Variants in LARGE1 observed in about 807,000 individuals in gnomAD.
The protein encoded by LARGE1 is LARGE xylosyl- and glucuronyltransferase 1.
A neutral mutation model predicts 87.6 loss-of-function variants in LARGE1; 43 were observed. The observed-to-expected ratio is 0.49, with a 90% CI of 0.38 to 0.63. LARGE1 has a LOEUF of 0.63. Among genes scored for constraint, LARGE1 ranks in the 30% least tolerant of loss-of-function variants. The pLI is 0.00. For synonymous variants in LARGE1, 434 were observed against 394.6 expected, an observed-to-expected ratio of 1.10 and a Z score of -1.18; for missense variants, 802 against 1,000.2, an observed-to-expected ratio of 0.80 and a Z score of 2.67.
chr22:33,118,440 C>T, the LARGE1 span, among the ~76,000 whole-genome samples: 51 of 145,704 alleles, frequency 3.5e-4, no homozygotes, highest in South Asian at 6.7e-4. Context: ...TGCAGTGAGC[C>T]ATGATCATGC....
chr22:33,712,637 AGT>A (rs34754283), intron 2 of LARGE1, among the ~76,000 whole-genome samples: 37,577 of 134,250 alleles, frequency 0.28, 4,931 homozygotes, highest in Middle Eastern at 0.32. Flanking sequence ...TGAGGGGTAC[AGT>A]GTGTGTGTGT....
intron 1 of LARGE1, among the ~76,000 whole-genome samples, chr22:33,840,069 G>A (rs115616083): frequency 0.013 from 2,017 of 152,280 alleles, 45 homozygotes; most frequent in African/African-American, 0.046. Context: ...ATTGAAGGTG[G>A]TAAGAAACTA....
At chr22:33,898,183 C>T (rs1043764910) in intron 1 of LARGE1, among the ~76,000 whole-genome samples, 10 of 152,102 alleles carry the variant, frequency 6.6e-5, no homozygotes, top group African/African-American at 2.2e-4. Context: ...CTGAATGATG[C>T]GGAAGACAGC....
At chr22:33,444,906 T>C (rs987388166) in intron 6 of LARGE1, among the ~76,000 whole-genome samples, 26 of 152,172 alleles carry the variant, frequency 1.7e-4, no homozygotes, top group Non-Finnish European at 8.8e-5. Flanking sequence ...CTCGACTCAC[T>C]GCAACCTCCG....
chr22:33,172,770 T>C (rs544978528), intron 11 of LARGE1, among the ~76,000 whole-genome samples: 80 of 152,008 alleles, frequency 5.3e-4, no homozygotes, highest in African/African-American at 1.8e-3. Flanking sequence ...AGATTGAAGA[T>C]CAACATAATG....
At chr22:33,850,422 CTG>C (rs1245137575) in intron 1 of LARGE1, among the ~76,000 whole-genome samples, 3 of 152,196 alleles carry the variant, frequency 2.0e-5, no homozygotes, top group Non-Finnish European at 4.4e-5. Flanking sequence ...TGGCTGGTGA[CTG>C]TGGGTGGGTA....
chr22:33,633,187 G>A (rs2149104014), intron 3 of LARGE1, among the ~76,000 whole-genome samples: 1 of 152,302 alleles, frequency 6.6e-6, no homozygotes, highest in South Asian at 2.1e-4. Context: ...ATCAGGTGTG[G>A]AGGCAATTTG....
chr22:33,643,199 T>C (rs868417792), intron 3 of LARGE1, among the ~76,000 whole-genome samples: 18 of 152,008 alleles, frequency 1.2e-4, no homozygotes, highest in African/African-American at 4.1e-4. Flanking sequence ...AAACAGTCTC[T>C]CAGACCACAG....
At chr22:33,213,621 C>A (rs565541790) in intron 11 of LARGE1, among the ~76,000 whole-genome samples, 3 of 152,224 alleles carry the variant, frequency 2.0e-5, no homozygotes, top group Non-Finnish European at 4.4e-5. Context: ...AGCAAAAAGA[C>A]GATGATTCAC....
At chr22:33,306,949 T>C (rs1050441610) in intron 11 of LARGE1, among the ~76,000 whole-genome samples, 1 of 151,874 alleles carries the variant, frequency 6.6e-6, no homozygotes, top group Non-Finnish European at 1.5e-5. Context: ...GCTTTACAGA[T>C]AACACAGCTG....
chr22:33,266,321 A>G (rs931147550), intron 11 of LARGE1, among the ~76,000 whole-genome samples: 12 of 145,634 alleles, frequency 8.2e-5, no homozygotes, highest in Non-Finnish European at 1.5e-4. Context: ...TCCTCGGTTC[A>G]AGCGATTATC....
rs373846525 is a variant in LARGE1 at position 33,689,926 on chromosome 22, C to CA, written c.107-39259dup. On this transcript the variant is annotated intron_variant, in intron 2 of 14. Transcript: ENST00000397394. ...TGGGTGACAGGGCGAGACTCTGTCT[C>CA]AAAAAAAAAAAGGAGGGAAAAATGA... Among the ~76,000 whole-genome samples, 897 of 138,088 alleles carry CA rather than the reference C, an allele frequency of 6.5e-3. 10 individuals are homozygous for CA. Among genetic ancestry groups the CA allele is most frequent in the African/African-American group, 0.022 (801 of 37,076 alleles). The allele number at this position is 138,088 out of a possible 152,430, so 90.6% of individuals were successfully genotyped here. A position where few individuals can be genotyped will look rare whatever the true frequency, so the allele number is the denominator to read the frequency against.
At chr22:33,307,847 C>A (rs1424524107) in intron 11 of LARGE1, among the ~76,000 whole-genome samples, 1 of 151,864 alleles carries the variant, frequency 6.6e-6, no homozygotes, top group African/African-American at 2.4e-5. Context: ...CGGCTCACTG[C>A]AACCTCTACC....
At chr22:33,414,250 T>A (rs2066409927) in intron 7 of LARGE1, among the ~76,000 whole-genome samples, 1 of 152,086 alleles carries the variant, frequency 6.6e-6, no homozygotes, top group Non-Finnish European at 1.5e-5. Flanking sequence ...ATATGAGATA[T>A]TTAAAATGGT....
intron 10 of LARGE1, among the ~76,000 whole-genome samples, chr22:33,329,122 T>G (rs1937488656): frequency 6.6e-6 from 1 of 152,168 alleles, no homozygotes; most frequent in Non-Finnish European, 1.5e-5. Context: ...AGGCTTTGGT[T>G]CCCTGCTATC....
At chr22:33,640,254 T>C (rs958924402) in intron 3 of LARGE1, among the ~76,000 whole-genome samples, 38 of 152,180 alleles carry the variant, frequency 2.5e-4, no homozygotes, top group Admixed American at 2.4e-3. Context: ...GCACTGCTCA[T>C]GGGTAGGAGG....
chr22:33,525,079 T>C (rs1480302671), intron 6 of LARGE1, among the ~76,000 whole-genome samples: 2 of 152,168 alleles, frequency 1.3e-5, no homozygotes, highest in Non-Finnish European at 2.9e-5. Context: ...AGGCAATGTG[T>C]TGATGTCATC....
chr22:33,308,898 G>A (rs748719078), intron 11 of LARGE1, among the ~76,000 whole-genome samples: 1 of 152,190 alleles, frequency 6.6e-6, no homozygotes, highest in Non-Finnish European at 1.5e-5. Flanking sequence ...GATACAAAGT[G>A]TCTGGTGCAA....
intron 10 of LARGE1, among the ~76,000 whole-genome samples, chr22:33,331,916 T>C (rs550376306): frequency 7.9e-4 from 120 of 152,214 alleles, no homozygotes; most frequent in African/African-American, 2.7e-3. Context: ...TCGATGCACC[T>C]TCTCTCCCTA....
Sources: allele counts gnomAD v4.1 joint callset (sites outside exome capture counted in the v4.1 genomes callset), GRCh38; gene constraint gnomAD v4.1.1; transcripts MANE v1.5; gene names NCBI Gene and HGNC (gene_info 2026-07-23, HGNC 2026-07-21).